ATE1: variants seen among roughly 807,000 people sequenced by gnomAD.
ATE1 encodes arginyl-tRNA--protein transferase 1.
Under a neutral mutation model 70.5 loss-of-function variants are expected in ATE1, and 36 were observed. The observed-to-expected ratio is 0.51, with a 90% CI of 0.39 to 0.67. The LOEUF (loss-of-function observed/expected upper bound fraction) is 0.67, where lower values mean the gene tolerates loss of function less well. Among genes scored for constraint, ATE1 ranks in the 30% least tolerant of loss-of-function variants. The pLI, the probability that ATE1 is intolerant of heterozygous loss-of-function variation, is 0.00. For synonymous variants in ATE1, 232 were observed against 219.3 expected (o/e 1.06, Z -0.51); for missense variants, 593 against 629.5 (o/e 0.94, Z 0.62).
intron 11 of ATE1, among the ~76,000 whole-genome samples, chr10:121,770,858 A>G (rs1226473521): frequency 6.6e-6 from 1 of 152,224 alleles, no homozygotes; most frequent in Non-Finnish European, 1.5e-5. Flanking sequence ...CATCTTGCAT[A>G]TAAAACACTG....
upstream of ATE1, chr10:121,928,271 G>A: frequency 6.9e-7 from 1 of 1,448,014 alleles, no homozygotes; most frequent in African/African-American, 1.5e-5. Flanking sequence ...GTCGGGGTGC[G>A]AGCCTGCCCT....
chr10:121,915,955 G>C (rs974776236), intron 3 of ATE1, among the ~76,000 whole-genome samples: 2 of 150,782 alleles, frequency 1.3e-5, no homozygotes, highest in Non-Finnish European at 3.0e-5. Flanking sequence ...GAAAAGCTTC[G>C]GCCAGGCACA....
chr10:121,910,394 C>A (rs569558870), intron 5 of ATE1, among the ~76,000 whole-genome samples: 2 of 152,158 alleles, frequency 1.3e-5, no homozygotes, highest in Admixed American at 6.5e-5. Flanking sequence ...AAGCCTAATT[C>A]TTTTATAAGT....
At chr10:121,817,104 A>G (rs1482181180) in intron 10 of ATE1, among the ~76,000 whole-genome samples, 1 of 152,236 alleles carries the variant, frequency 6.6e-6, no homozygotes, top group African/African-American at 2.4e-5. Context: ...ATCCTGTAGA[A>G]GTGTCAAACA....
intron 7 of ATE1, among the ~76,000 whole-genome samples, chr10:121,875,631 G>T (rs2134068379): frequency 6.6e-6 from 1 of 152,114 alleles, no homozygotes; most frequent in South Asian, 2.1e-4. Flanking sequence ...TGTGTAAAAG[G>T]ATTTCAGCCA....
At chr10:121,778,980 T>C (rs916433918) in intron 11 of ATE1, among the ~76,000 whole-genome samples, 33 of 152,210 alleles carry the variant, frequency 2.2e-4, no homozygotes, top group Non-Finnish European at 3.8e-4. Context: ...TTCACTTTAA[T>C]CCTACATTAG....
intron 7 of ATE1, among the ~76,000 whole-genome samples, chr10:121,888,517 T>C (rs1950478865): frequency 6.6e-6 from 1 of 152,164 alleles, no homozygotes; most frequent in Admixed American, 6.5e-5. Flanking sequence ...CGACATTACA[T>C]GCTGCTTGAT....
chr10:121,914,460 C>A (rs923042665), intron 3 of ATE1, among the ~76,000 whole-genome samples: 4 of 150,858 alleles, frequency 2.7e-5, no homozygotes, highest in Admixed American at 2.6e-4. Context: ...ATATACAAAG[C>A]AATGCTGTTT....
intron 7 of ATE1, among the ~76,000 whole-genome samples, chr10:121,884,057 G>A (rs1950304253): frequency 8.3e-6 from 1 of 121,042 alleles, no homozygotes; most frequent in East Asian, 2.7e-4. Context: ...AGTGAGCCGA[G>A]ATGGCACCAC....
intron 7 of ATE1, among the ~76,000 whole-genome samples, chr10:121,894,405 A>C (rs1007097451): frequency 1.3e-4 from 20 of 152,312 alleles, no homozygotes; most frequent in Admixed American, 3.3e-4. Flanking sequence ...AAGGAGGAAA[A>C]AGATGTGTCA....
intron 2 of ATE1, 137 bp from the exon 3 acceptor site, chr10:121,922,548 A>G (rs1347845856): frequency 1.6e-6 from 1 of 607,514 alleles, no homozygotes; most frequent in East Asian, 2.8e-5. Context: ...ATTACTCTTC[A>G]TAAGCCAAAT....
intron 3 of ATE1, among the ~76,000 whole-genome samples, chr10:121,918,805 G>T (rs538843278): frequency 6.6e-6 from 1 of 151,262 alleles, no homozygotes; most frequent in Non-Finnish European, 1.5e-5. Flanking sequence ...CTTCTGGGTC[G>T]GGGCGGGGGT....
intron 10 of ATE1, among the ~76,000 whole-genome samples, chr10:121,802,140 C>A (rs1436018896): frequency 1.3e-5 from 2 of 152,164 alleles, no homozygotes; most frequent in African/African-American, 4.8e-5. Flanking sequence ...AATGGATTCA[C>A]AGCCCTTTTG....
intron 7 of ATE1, chr10:121,898,734 G>C: frequency 7.5e-7 from 1 of 1,338,718 alleles, no homozygotes; most frequent in Non-Finnish European, 1.0e-6. Flanking sequence ...CAGAAGTTCA[G>C]TAATACACAC....
At chr10:121,877,945 C>A (rs1950106593) in intron 7 of ATE1, among the ~76,000 whole-genome samples, 1 of 152,176 alleles carries the variant, frequency 6.6e-6, no homozygotes, top group South Asian at 2.1e-4. Flanking sequence ...ATGTTCATAG[C>A]AACTTTATTC....
At chr10:121,918,332 CAA>C (rs1256639168) in intron 3 of ATE1, among the ~76,000 whole-genome samples, 27 of 79,720 alleles carry the variant, frequency 3.4e-4, no homozygotes, top group Middle Eastern at 8.6e-3. Context: ...GATTCTGTCT[CAA>C]AAAAAAAAAA....
chr10:121,919,027 C>A (rs1300122050), intron 3 of ATE1, among the ~76,000 whole-genome samples: 1 of 144,902 alleles, frequency 6.9e-6, no homozygotes, highest in Admixed American at 6.8e-5. Flanking sequence ...TAAAATGGAC[C>A]AATCAGCACT....
At chr10:121,927,537 C>A (rs1952146072) in intron 1 of ATE1, 2 of 985,302 alleles carry the variant, frequency 2.0e-6, no homozygotes. Flanking sequence ...GGCTCTGGGG[C>A]GTTCCCTGGC....
At chr10:121,800,521 T>C (rs1046779551) in intron 10 of ATE1, among the ~76,000 whole-genome samples, 1 of 152,190 alleles carries the variant, frequency 6.6e-6, no homozygotes, top group Non-Finnish European at 1.5e-5. Flanking sequence ...TTTTGAAGAA[T>C]AGGAAGGATT....
Sources: allele counts gnomAD v4.1 joint callset (sites outside exome capture counted in the v4.1 genomes callset), GRCh38; gene constraint gnomAD v4.1.1; transcripts MANE v1.5; gene names NCBI Gene and HGNC (gene_info 2026-07-23, HGNC 2026-07-21).